The following FAF2 variants were observed in gnomAD, a reference collection of about 807,000 sequenced individuals.
FAF2 encodes the protein Fas associated factor family member 2, also known as FAS-associated factor 2.
A neutral mutation model predicts 62.3 loss-of-function variants in FAF2; 9 were observed. That is an observed-to-expected ratio of 0.14 (90% confidence interval 0.09 to 0.25). The LOEUF (loss-of-function observed/expected upper bound fraction) is 0.25. FAF2 is among the 10% of genes least tolerant of loss of function. FAF2 has a pLI of 1.00. For synonymous variants in FAF2, 202 were observed against 198.0 expected (o/e 1.02, Z -0.17); for missense variants, 368 against 556.2 (o/e 0.66, Z 3.40).
chr5:176,478,313 C>CA (rs747760680), intron 1 of FAF2, among the ~76,000 whole-genome samples: 73 of 152,180 alleles, frequency 4.8e-4, no homozygotes, highest in Non-Finnish European at 7.6e-4. Flanking sequence ...CCCGTCTTTA[C>CA]AAAAAACATC....
At chr5:176,495,885 A>T (rs1279380545) in intron 7 of FAF2, among the ~76,000 whole-genome samples, 1 of 152,068 alleles carries the variant, frequency 6.6e-6, no homozygotes, top group African/African-American at 2.4e-5. Flanking sequence ...TTACGTGGGG[A>T]GAAAGGATAA....
At chr5:176,503,303 C>T (rs1316859537) in intron 10 of FAF2, among the ~76,000 whole-genome samples, 2 of 151,960 alleles carry the variant, frequency 1.3e-5, no homozygotes, top group African/African-American at 4.8e-5. Context: ...GCCTGTAATC[C>T]CAGCACTTTG....
At chr5:176,454,081 G>A (rs558019754) in intron 1 of FAF2, among the ~76,000 whole-genome samples, 20 of 148,832 alleles carry the variant, frequency 1.3e-4, no homozygotes, top group African/African-American at 4.7e-4. Flanking sequence ...CTATTATCTA[G>A]TTCACAACAT....
chr5:176,496,009 A>G (rs1171162033), intron 7 of FAF2, among the ~76,000 whole-genome samples: 1 of 152,106 alleles, frequency 6.6e-6, no homozygotes, highest in African/African-American at 2.4e-5. Flanking sequence ...ACAGGGAAAA[A>G]CTGTGCCAGA....
chr5:176,459,775 C>G (rs1244538983), intron 1 of FAF2, among the ~76,000 whole-genome samples: 1 of 152,036 alleles, frequency 6.6e-6, no homozygotes, highest in Non-Finnish European at 1.5e-5. Flanking sequence ...GGGTTTGATA[C>G]ATGAGTAAAT....
chr5:176,479,031 T>C (rs1210321166), intron 1 of FAF2, among the ~76,000 whole-genome samples, 157 bp from the exon 2 acceptor site: 2 of 152,238 alleles, frequency 1.3e-5, no homozygotes, highest in African/African-American at 4.8e-5. Context: ...AACAGTCAGC[T>C]GACTGTATAA....
At chr5:176,472,719 CAAAA>C (rs66911150) in intron 1 of FAF2, among the ~76,000 whole-genome samples, 9 of 108,468 alleles carry the variant, frequency 8.3e-5, no homozygotes, top group Non-Finnish European at 9.8e-5. Context: ...TTCATCTCTA[CAAAA>C]AAAAAAAAAA....
intron 10 of FAF2, 133 bp from the exon 11 acceptor site, chr5:176,506,635 A>G: frequency 1.5e-6 from 1 of 689,608 alleles, no homozygotes; most frequent in Non-Finnish European, 2.4e-6. Context: ...GTGTAATGTG[A>G]TTCTTTCCTA....
At chr5:176,485,870 C>T (rs1425507154) in intron 2 of FAF2, among the ~76,000 whole-genome samples, 1 of 152,110 alleles carries the variant, frequency 6.6e-6, no homozygotes, top group East Asian at 1.9e-4. Context: ...CGCGCCTGAC[C>T]TGAGGCTCAT....
intron 2 of FAF2, among the ~76,000 whole-genome samples, chr5:176,485,070 A>G (rs920033137): frequency 1.3e-5 from 2 of 152,214 alleles, no homozygotes; most frequent in African/African-American, 2.4e-5. Context: ...TGATAAGTGC[A>G]TAGTTAAGAT....
chr5:176,499,901 CTTAGTCA>C, intron 9 of FAF2, 95 bp from the exon 10 acceptor site: 1 of 1,380,892 alleles, frequency 7.2e-7, no homozygotes, highest in Non-Finnish European at 9.9e-7. Flanking sequence ...TCTTAGAATA[CTTAGTCA>C]TTAATTTTTC....
intron 4 of FAF2, 98 bp downstream of exon 4, chr5:176,489,125 C>A: frequency 2.5e-6 from 2 of 808,174 alleles, no homozygotes; most frequent in Non-Finnish European, 4.0e-6. Context: ...GTTGACTTAC[C>A]AATTTGTCAT....
intron 9 of FAF2, 129 bp from the exon 10 acceptor site, chr5:176,499,874 T>C: frequency 4.7e-6 from 5 of 1,053,154 alleles, no homozygotes; most frequent in Non-Finnish European, 6.9e-6. Flanking sequence ...TGTTTTTGAC[T>C]ATTCCTGAGA....
At chr5:176,502,906 G>T (rs1183579801) in intron 10 of FAF2, among the ~76,000 whole-genome samples, 1 of 151,992 alleles carries the variant, frequency 6.6e-6, no homozygotes, top group East Asian at 1.9e-4. Context: ...AAATTAGCTG[G>T]GTGTGGTGGC....
intron 10 of FAF2, among the ~76,000 whole-genome samples, chr5:176,505,622 C>T (rs997299194): frequency 6.6e-6 from 1 of 152,312 alleles, no homozygotes. Flanking sequence ...CCTTCCCACT[C>T]TTCCACACAA....
chr5:176,451,165 G>A (rs1758159663), intron 1 of FAF2, among the ~76,000 whole-genome samples: 1 of 152,170 alleles, frequency 6.6e-6, no homozygotes, highest in Non-Finnish European at 1.5e-5. Flanking sequence ...GAGATCAGGA[G>A]TTCGAGACCA....
At chr5:176,454,420 CA>C (rs1173520338) in intron 1 of FAF2, among the ~76,000 whole-genome samples, 1 of 148,122 alleles carries the variant, frequency 6.8e-6, no homozygotes, top group Admixed American at 6.7e-5. Flanking sequence ...AATAAAAATA[CA>C]AAAAAAGTTA....
intron 1 of FAF2, among the ~76,000 whole-genome samples, chr5:176,472,622 C>G (rs1241782206): frequency 6.7e-6 from 1 of 150,216 alleles, no homozygotes; most frequent in East Asian, 2.0e-4. Context: ...ACAGGCCCAC[C>G]ATGGTGGCTC....
At position 176,448,430 on chromosome 5, in the gene FAF2, A is replaced by G; in HGVS notation, c.23A>G (p.Asp8Gly). The G allele has an allele frequency of 6.2e-7, 1 of 1,607,548 alleles. No homozygotes were observed. Among genetic ancestry groups the G allele is most frequent in the African/African-American group, 1.3e-5 (1 of 74,978 alleles). The change falls in exon 1 of 11, where the codon GAT (aspartate) becomes GGT (glycine). Residue 8 changes from aspartate (D) to glycine (G), a missense_variant. Physicochemically the swap from Asp to Gly is moderately conservative, Grantham distance 94. This residue lies in a region of FAF2 where 331 missense variants were observed against 441.9 expected (regional missense o/e 0.75). Transcript: ENST00000261942. MAAPEER[D>G]LTQEQTEKLL... Reference sequence around the variant, plus strand: ...AAAATGGCGGCGCCTGAGGAGCGGGATCTAACCCAGGAGCAGACAGAGAAG... The same window carrying G: ...AAAATGGCGGCGCCTGAGGAGCGGGGTCTAACCCAGGAGCAGACAGAGAAG...
Sources: gnomAD v4.1 joint callset for allele counts (sites outside exome capture counted in the v4.1 genomes callset) on GRCh38, gnomAD v4.1.1 for gene constraint, gnomAD v4.1.1 regional missense constraint, MANE v1.5 for transcripts, NCBI Gene and HGNC (gene_info 2026-07-23, HGNC 2026-07-21) for gene names.